Variants in MAGI2 observed in about 807,000 individuals in gnomAD.
MAGI2 encodes membrane-associated guanylate kinase, WW and PDZ domain-containing protein 2.
In MAGI2, 35 loss-of-function variants were observed where a neutral mutation model predicts 133.3. The ratio of observed to expected loss-of-function variants is 0.26; its 90% CI spans 0.20 to 0.35. MAGI2 has a LOEUF of 0.35. MAGI2 is among the 10% of genes least tolerant of loss of function. MAGI2 has a pLI of 1.00. For synonymous variants in MAGI2, 729 were observed against 710.6 expected (o/e 1.03, Z -0.41); for missense variants, 1,636 against 1,863.4 (o/e 0.88, Z 2.25).
chr7:79,046,985 A>C (rs1200871530), intron 1 of MAGI2, among the ~76,000 whole-genome samples: 4 of 152,180 alleles, frequency 2.6e-5, no homozygotes, highest in African/African-American at 9.7e-5. Context: ...TTTCTTGTTA[A>C]ATAAAACCAA....
intron 1 of MAGI2, among the ~76,000 whole-genome samples, chr7:79,244,748 C>T (rs1009021876): frequency 6.6e-6 from 1 of 152,164 alleles, no homozygotes; most frequent in Non-Finnish European, 1.5e-5. Context: ...ACTTGGGGGA[C>T]ATGTGACCTA....
At position 78,894,445 on chromosome 7, in the gene MAGI2, G is replaced by A. The variant is rs974771077; in HGVS notation, c.418+112645C>T. ...TTTATTCTTAAAACATAAGAAAATT[G>A]GGGCCCAGGATTAAAAAATAACATT... On this transcript the variant is annotated intron_variant, in intron 2 of 21. Coordinates refer to ENST00000354212, the MANE Select transcript of MAGI2 (RefSeq NM_012301.4). Among the ~76,000 whole-genome samples, 5 of 152,136 alleles carry A rather than the reference G, an allele frequency of 3.3e-5. No homozygotes were observed. In the South Asian group the frequency reaches 6.2e-4, roughly 19 times the overall value.
intron 1 of MAGI2, among the ~76,000 whole-genome samples, chr7:79,111,474 C>T (rs1292621753): frequency 1.3e-5 from 2 of 152,180 alleles, no homozygotes; most frequent in African/African-American, 4.8e-5. Flanking sequence ...GAAAATTCTT[C>T]TTTCTCCAAA....
At chr7:78,727,058 T>C (rs1212122166) in intron 2 of MAGI2, among the ~76,000 whole-genome samples, 9 of 152,196 alleles carry the variant, frequency 5.9e-5, no homozygotes, top group Non-Finnish European at 2.9e-5. Flanking sequence ...TATCAGCAGC[T>C]TTTTCTTGTC....
At chr7:78,363,416 C>A (rs1419076921) in intron 7 of MAGI2, among the ~76,000 whole-genome samples, 1 of 151,920 alleles carries the variant, frequency 6.6e-6, no homozygotes, top group Admixed American at 6.6e-5. Context: ...TGGCGCGAAC[C>A]CGGGAGGCGG....
chr7:78,524,813 T>C (rs1317821112), intron 3 of MAGI2, among the ~76,000 whole-genome samples: 1 of 152,230 alleles, frequency 6.6e-6, no homozygotes, highest in African/African-American at 2.4e-5. Context: ...CAACACATAC[T>C]TCTTATCTAA....
At chr7:79,012,603 A>T (rs1410961688) in intron 1 of MAGI2, among the ~76,000 whole-genome samples, 1 of 152,184 alleles carries the variant, frequency 6.6e-6, no homozygotes, top group Non-Finnish European at 1.5e-5. Context: ...TATGCTAAAT[A>T]AATAAATCAC....
intron 1 of MAGI2, among the ~76,000 whole-genome samples, chr7:79,424,538 A>C (rs1847206223): frequency 6.6e-6 from 1 of 152,260 alleles, no homozygotes; most frequent in South Asian, 2.1e-4. Flanking sequence ...CAAAAAATGC[A>C]CAGACAGTGC....
At chr7:79,174,300 T>A (rs1341401840) in intron 1 of MAGI2, among the ~76,000 whole-genome samples, 1 of 152,102 alleles carries the variant, frequency 6.6e-6, no homozygotes, top group Non-Finnish European at 1.5e-5. Flanking sequence ...TAGATGAGTA[T>A]TTTTTAAGAT....
At chr7:78,498,877 C>G (rs1037437316) in intron 5 of MAGI2, among the ~76,000 whole-genome samples, 6 of 152,110 alleles carry the variant, frequency 3.9e-5, no homozygotes, top group African/African-American at 1.4e-4. Context: ...ACAGTCACTT[C>G]CACCATGACT....
At chr7:79,311,881 C>G (rs1838319498) in intron 1 of MAGI2, among the ~76,000 whole-genome samples, 1 of 152,100 alleles carries the variant, frequency 6.6e-6, no homozygotes, top group African/African-American at 2.4e-5. Flanking sequence ...CTTGCCTTCT[C>G]TCTTTTTGTC....
chr7:79,026,481 A>T (rs1809895797), intron 1 of MAGI2, among the ~76,000 whole-genome samples: 1 of 152,208 alleles, frequency 6.6e-6, no homozygotes. Context: ...GATTGGGGGG[A>T]AATATTTGCA....
intron 9 of MAGI2, among the ~76,000 whole-genome samples, chr7:78,268,973 C>T (rs1323964754): frequency 6.6e-6 from 1 of 152,116 alleles, no homozygotes; most frequent in Non-Finnish European, 1.5e-5. Context: ...GTGTGATGTT[C>T]CCCTCCCTAT....
chr7:78,687,796 C>T (rs985881841), intron 2 of MAGI2, among the ~76,000 whole-genome samples: 6 of 151,154 alleles, frequency 4.0e-5, no homozygotes, highest in Non-Finnish European at 8.8e-5. Flanking sequence ...TGGTGAAACC[C>T]CTTCTCTACT....
chr7:79,415,212 TAG>T (rs1322775690), intron 1 of MAGI2: 1 of 152,172 alleles, frequency 6.6e-6, no homozygotes, highest in African/African-American at 2.4e-5. Flanking sequence ...AGTTTCTAGT[TAG>T]ATAGTTTCTG....
Position 78,939,504 on chromosome 7 carries a change from G to A in MAGI2, c.418+67586C>T, listed in dbSNP as rs116822487. ...GGCTACATAGAAGAAAGAGCAAATGGTAAAGTTGTAAAGGCTCATTGCTCC... is the reference window on the plus strand; with the variant it reads ...GGCTACATAGAAGAAAGAGCAAATGATAAAGTTGTAAAGGCTCATTGCTCC... On this transcript the variant is annotated intron_variant, in intron 2 of 21. Transcript: ENST00000354212. Among the ~76,000 whole-genome samples, 1,069 of 152,230 alleles carry A rather than the reference G, an allele frequency of 7.0e-3. 18 individuals are homozygous for A. The highest frequency in any genetic ancestry group is 0.024 in the African/African-American group (1,016 of 41,554).
chr7:79,048,037 A>C (rs144498876), intron 1 of MAGI2, among the ~76,000 whole-genome samples: 3 of 152,354 alleles, frequency 2.0e-5, no homozygotes, highest in African/African-American at 7.2e-5. Context: ...ACACTGTCAA[A>C]GCATGGGGCT....
chr7:78,959,509 C>G (rs1452111889), intron 2 of MAGI2, among the ~76,000 whole-genome samples: 1 of 151,548 alleles, frequency 6.6e-6, no homozygotes, highest in Non-Finnish European at 1.5e-5. Context: ...GAGAATGAGA[C>G]ACTACCTGTC....
At chr7:79,238,535 A>G (rs545972838) in intron 1 of MAGI2, among the ~76,000 whole-genome samples, 1 of 152,298 alleles carries the variant, frequency 6.6e-6, no homozygotes, top group South Asian at 2.1e-4. Flanking sequence ...AAACTATTTC[A>G]TCAAAACTTT....
Sources: allele counts gnomAD v4.1 joint callset (sites outside exome capture counted in the v4.1 genomes callset), GRCh38; gene constraint gnomAD v4.1.1; transcripts MANE v1.5; gene names NCBI Gene and HGNC (gene_info 2026-07-23, HGNC 2026-07-21).